The following ARGLU1 variants were observed in gnomAD, a reference collection of about 807,000 sequenced individuals.
The protein encoded by ARGLU1 is arginine and glutamate-rich protein 1.
A neutral mutation model predicts 37.6 loss-of-function variants in ARGLU1; 9 were observed. The observed-to-expected ratio is 0.24, with a 90% confidence interval of 0.14 to 0.42. The LOEUF is 0.42. Among genes scored for constraint, ARGLU1 ranks in the 10% least tolerant of loss-of-function variants. The probability of loss-of-function intolerance (pLI) is 1.00; values close to 1 mark genes in which losing one functional copy is unlikely to be tolerated. For synonymous variants in ARGLU1, 166 were observed against 138.5 expected, an observed-to-expected ratio of 1.20 and a Z score of -1.39; for missense variants, 211 against 359.2, an observed-to-expected ratio of 0.59 and a Z score of 3.34.
In ARGLU1 at chr13:106,567,687, G is replaced by A. The variant is rs771016705; in HGVS notation, c.233C>T (p.Pro78Leu). Reference protein sequence around the residue: ...RERDRERASSPPDRIDIFGRT... With the variant: ...RERDRERASSLPDRIDIFGRT... ...CCCGAAGATGTCGATGCGGTCGGGC[G>A]GGGACGAGGCGCGCTCCCGGTCCCG... The change falls in exon 1 of 4, where the codon CCG (proline) becomes CTG (leucine). Residue 78 changes from proline (P) to leucine (L), a missense_variant. Transcript: ENST00000400198. The surrounding 1 kb of genome is among the most constrained non-coding windows in gnomAD (Gnocchi z 4.3). 2 of 1,613,080 alleles carry A rather than the reference G, an allele frequency of 1.2e-6. No individual in the cohort carries two copies. The highest frequency in any genetic ancestry group is 1.7e-6 in the Non-Finnish European group (2 of 1,179,566).
At chr13:106,548,945 G>A (rs908665217) in intron 3 of ARGLU1, among the ~76,000 whole-genome samples, 9 of 152,168 alleles carry the variant, frequency 5.9e-5, no homozygotes, top group African/African-American at 1.9e-4. Context: ...TAGAGACGGA[G>A]TTTCATCTTG....
chr13:106,559,274 T>C (rs1177153379), intron 2 of ARGLU1, 158 bp downstream of exon 2: 6 of 1,536,026 alleles, frequency 3.9e-6, no homozygotes, highest in East Asian at 2.4e-5. Flanking sequence ...CACTTCTGAA[T>C]AGGCTAAAAA....
Position 106,557,834 on chromosome 13 carries a change from A to G in ARGLU1, c.574-703T>C. The G allele has an allele frequency of 8.1e-7, 1 of 1,231,692 alleles. No individual in the cohort carries two copies. 76.3% of individuals were successfully genotyped at this position (1,231,692 alleles called of 1,614,324 possible). A position where few individuals can be genotyped will look rare whatever the true frequency, so the allele number is the denominator to read the frequency against. On this transcript the variant is annotated intron_variant, in intron 2 of 3. Transcript: ENST00000400198. The surrounding 1 kb of genome is among the most constrained non-coding windows in gnomAD (Gnocchi z 5.0). Reference sequence around the variant, plus strand: ...ACAAATGGTAATCCATACTTCATGGAACTACGGGCTTCTTCCATGGGGAAA... The same window carrying G: ...ACAAATGGTAATCCATACTTCATGGGACTACGGGCTTCTTCCATGGGGAAA...
At chr13:106,548,883 G>C (rs1304593454) in intron 3 of ARGLU1, among the ~76,000 whole-genome samples, 1 of 152,100 alleles carries the variant, frequency 6.6e-6, no homozygotes, top group Non-Finnish European at 1.5e-5. Flanking sequence ...CGAGTAGCTG[G>C]GACTACAGGT....
At chr13:106,547,652 A>C (rs1337545228) in intron 3 of ARGLU1, among the ~76,000 whole-genome samples, 1 of 152,236 alleles carries the variant, frequency 6.6e-6, no homozygotes, top group African/African-American at 2.4e-5. Flanking sequence ...TGTGCAATAA[A>C]GGGAGAATTA....
intron 3 of ARGLU1, among the ~76,000 whole-genome samples, chr13:106,545,541 A>G (rs932170256): frequency 1.3e-5 from 2 of 152,154 alleles, no homozygotes; most frequent in Non-Finnish European, 2.9e-5. Flanking sequence ...CACACTAATT[A>G]CTTCTTTTGT....
chr13:106,553,274 T>C (rs1427109855), intron 3 of ARGLU1, among the ~76,000 whole-genome samples: 3 of 152,198 alleles, frequency 2.0e-5, no homozygotes, highest in Admixed American at 6.5e-5. Context: ...ATATTGGATA[T>C]ATAAATTTTG....
Position 106,567,763 on chromosome 13 carries a change from C to G in ARGLU1, c.157G>C (p.Glu53Gln). The G allele has an allele frequency of 6.2e-7, 1 of 1,612,826 alleles. No homozygotes were observed. Among genetic ancestry groups the G allele is most frequent in the Non-Finnish European group, 8.5e-7 (1 of 1,179,478 alleles). ...SRESKRNRRR[E>Q]SRSRSRSTNT... Reference sequence around the variant, plus strand: ...GTGGAGCGCGAACGGGACCGCGACTCCCGCCGCCGGTTCCGTTTACTTTCC... The same window carrying G: ...GTGGAGCGCGAACGGGACCGCGACTGCCGCCGCCGGTTCCGTTTACTTTCC... The change falls in exon 1 of 4, where the codon GAG (glutamate) becomes CAG (glutamine). Residue 53 changes from glutamate to glutamine, a missense_variant. Glu to Gln is a conservative substitution (Grantham distance 29, BLOSUM62 2). Transcript: ENST00000400198. This position sits in a 1 kb window ranked among gnomAD's most constrained non-coding sequence, Gnocchi z 4.3.
At chr13:106,546,227 T>C (rs1880387216) in intron 3 of ARGLU1, among the ~76,000 whole-genome samples, 1 of 152,234 alleles carries the variant, frequency 6.6e-6, no homozygotes, top group African/African-American at 2.4e-5. Flanking sequence ...TACACGATAC[T>C]GCCAGACTCA....
chr13:106,547,440 G>A (rs911627754), intron 3 of ARGLU1, among the ~76,000 whole-genome samples: 4 of 151,876 alleles, frequency 2.6e-5, no homozygotes, highest in African/African-American at 9.7e-5. Flanking sequence ...TTTATAGAAA[G>A]AAAAGAATGT....
In ARGLU1 at chr13:106,558,072, T is replaced by A. The variant is rs73588135; in HGVS notation, c.574-941A>T. The A allele has an allele frequency of 6.7e-3, 6,599 of 985,360 alleles. 259 individuals are homozygous for A. In the African/African-American group the frequency reaches 0.098, roughly 15 times the overall value. 61.0% of individuals were successfully genotyped at this position (985,360 alleles called of 1,614,324 possible). A position where few individuals can be genotyped will look rare whatever the true frequency, so the allele number is the denominator to read the frequency against. On this transcript the variant is annotated intron_variant, in intron 2 of 3. Transcript: ENST00000400198. Reference sequence around the variant, plus strand: ...CAGTGTTCAGATCACAGCATACATATTCAAATGATTTTAATATTTGGAAAG... The same window carrying A: ...CAGTGTTCAGATCACAGCATACATAATCAAATGATTTTAATATTTGGAAAG...
chr13:106,544,393 T>A (rs1224082717), intron 3 of ARGLU1, among the ~76,000 whole-genome samples: 1 of 151,510 alleles, frequency 6.6e-6, no homozygotes, highest in Non-Finnish European at 1.5e-5. Flanking sequence ...GGTCACATAG[T>A]TTGGTAGAGA....
rs751053879 is a variant in ARGLU1 at position 106,567,896 on chromosome 13, G to A, written c.24C>T (p.Ser8=). 1.9e-6 allele frequency: 3 copies of A among 1,609,578 alleles called. No individual in the cohort carries two copies. The highest frequency in any genetic ancestry group is 1.7e-4 in the Middle Eastern group (1 of 6,050). The part of the protein sequence containing the change: MGRSRSR[S]SSRSKHTKSS... Reference sequence around the variant, plus strand: ...TCTTGGTGTGCTTGGAGCGGGACGAGCTCCGGCTCCGAGACCGGCCCATCC... The same window carrying A: ...TCTTGGTGTGCTTGGAGCGGGACGAACTCCGGCTCCGAGACCGGCCCATCC... Residue 8 remains serine (S), a synonymous_variant, in exon 1 of 4, where the codon AGC becomes AGT. Coordinates refer to ENST00000400198, the MANE Select transcript of ARGLU1 (RefSeq NM_018011.4). This position sits in a 1 kb window ranked among gnomAD's most constrained non-coding sequence, Gnocchi z 4.3.
At position 106,552,881 on chromosome 13, in the gene ARGLU1, T is replaced by C. The variant is rs1196616879; in HGVS notation, c.657+4167A>G. 2.0e-5 allele frequency among the ~76,000 whole-genome samples: 3 copies of C among 152,290 alleles called. No individual in the cohort carries two copies. The East Asian group carries it at 5.8e-4, about 29-fold the overall frequency. On this transcript the variant is annotated intron_variant, in intron 3 of 3. Transcript: ENST00000400198. ...TTGTTGGTTAATACTTTTGTCTCTG[T>C]TGACAAACCAAATATCTTGGTACAC...
chr13:106,562,102 G>T (rs1880817412), intron 1 of ARGLU1, among the ~76,000 whole-genome samples: 1 of 152,170 alleles, frequency 6.6e-6, no homozygotes, highest in Admixed American at 6.5e-5. Context: ...GAACTGCAAG[G>T]CATCCCAATA....
intron 3 of ARGLU1, among the ~76,000 whole-genome samples, chr13:106,555,911 T>C (rs957952779): frequency 6.6e-6 from 1 of 152,170 alleles, no homozygotes; most frequent in Non-Finnish European, 1.5e-5. Flanking sequence ...TTTGCTTCAG[T>C]GATTTAACTG....
intron 3 of ARGLU1, among the ~76,000 whole-genome samples, chr13:106,551,884 A>T (rs1056005549): frequency 6.6e-6 from 1 of 152,196 alleles, no homozygotes; most frequent in African/African-American, 2.4e-5. Flanking sequence ...CCTCTCTAAG[A>T]AAACATGTGA....
chr13:106,559,589 G>C lies in ARGLU1; in HGVS notation c.416C>G (p.Ala139Gly), dbSNP rs769081473. The change falls in exon 2 of 4, where the codon GCA becomes GGA. Residue 139 changes from alanine to glycine, a missense_variant. Around this residue, in one of 3 missense-constraint regions of ARGLU1, gnomAD observed 80 missense variants for 158.4 expected, o/e 0.51. Transcript: ENST00000400198. ...ETARRVEELV[A>G]KRVEEELEKR... ...CTCCAGTTCTTCCTCCACCCTTTTT[G>C]CTACCAATTCTTCTACTCTTCGTGC... is the stretch of plus-strand genomic sequence containing the variant. The C allele has an allele frequency of 1.2e-6, 2 of 1,613,930 alleles. No individual in the cohort carries two copies. Among genetic ancestry groups the C allele is most frequent in the Admixed American group, 3.3e-5 (2 of 59,994 alleles).
At chr13:106,545,787 C>T (rs1158250723) in intron 3 of ARGLU1, among the ~76,000 whole-genome samples, 1 of 152,104 alleles carries the variant, frequency 6.6e-6, no homozygotes, top group Non-Finnish European at 1.5e-5. Context: ...TTGGAGATAA[C>T]AAAGATCAGA....
Sources: gnomAD v4.1 joint callset for allele counts (sites outside exome capture counted in the v4.1 genomes callset) on GRCh38, gnomAD v4.1.1 for gene constraint, gnomAD v4.1.1 regional missense constraint, Gnocchi (gnomAD v3.1) non-coding constraint, MANE v1.5 for transcripts, NCBI Gene and HGNC (gene_info 2026-07-23, HGNC 2026-07-21) for gene names.